HIP1: variants seen among roughly 807,000 people sequenced by gnomAD.
The protein encoded by HIP1 is huntingtin interacting protein 1.
HIP1 carries 65 observed loss-of-function variants against 147.6 expected under a neutral mutation model. That is an observed-to-expected ratio of 0.44 (90% CI 0.36 to 0.54). The LOEUF is 0.54. Ranked by LOEUF, HIP1 falls within the 20% of genes least tolerant of loss-of-function variation. The probability of loss-of-function intolerance (pLI) is 0.00; values close to 1 mark genes in which losing one functional copy is unlikely to be tolerated. For missense variants in HIP1, 1,061 were observed against 1,299.6 expected, an observed-to-expected ratio of 0.82 and a Z score of 2.82; for synonymous variants, 479 against 504.0, an observed-to-expected ratio of 0.95 and a Z score of 0.67.
intron 1 of HIP1, among the ~76,000 whole-genome samples, chr7:75,713,874 AT>A (rs1468415453): frequency 6.7e-6 from 1 of 149,374 alleles, no homozygotes; most frequent in African/African-American, 2.5e-5. Context: ...CATTTTTTGT[AT>A]TTTTAGTAGA....
intron 22 of HIP1, among the ~76,000 whole-genome samples, chr7:75,551,947 A>T (rs1364903596): frequency 4.0e-5 from 6 of 151,218 alleles, no homozygotes; most frequent in African/African-American, 1.5e-4. Flanking sequence ...TGGAGTGCAA[A>T]GGCACGATCT....
intron 1 of HIP1, among the ~76,000 whole-genome samples, chr7:75,669,407 A>G (rs868919994): frequency 9.9e-5 from 15 of 151,580 alleles, no homozygotes; most frequent in African/African-American, 2.7e-4. Flanking sequence ...AAAAAACAAC[A>G]AAAAAATTAG....
intron 8 of HIP1, among the ~76,000 whole-genome samples, chr7:75,573,473 G>A (rs948424547): frequency 2.0e-5 from 3 of 152,098 alleles, no homozygotes; most frequent in East Asian, 1.9e-4. Flanking sequence ...ACAAGAACTC[G>A]GGCAAAGGCA....
chr7:75,540,860 A>G (rs1794280195), intron 29 of HIP1, among the ~76,000 whole-genome samples: 1 of 152,194 alleles, frequency 6.6e-6, no homozygotes, highest in South Asian at 2.1e-4. Context: ...AATAATTCAT[A>G]CCAGAAGTCT....
Position 75,554,283 on chromosome 7 carries a change from C to T in HIP1, c.2051-63G>A. ...TGATGGTGACACTTTCATACCCTCT[C>T]CTCCCGTTTTATGAGTTGCCTACAT... On this transcript the variant is annotated intron_variant, in intron 20 of 30. Coordinates refer to ENST00000336926, the MANE Select transcript of HIP1 (RefSeq NM_005338.7). 4 of 1,434,132 alleles carry T rather than the reference C, an allele frequency of 2.8e-6. No homozygotes were observed. In the South Asian group the frequency reaches 4.7e-5, roughly 17 times the overall value. 88.8% of individuals were successfully genotyped at this position (1,434,132 alleles called of 1,614,324 possible).
chr7:75,580,114 A>G (rs1474926973), intron 7 of HIP1, among the ~76,000 whole-genome samples: 1 of 152,148 alleles, frequency 6.6e-6, no homozygotes, highest in African/African-American at 2.4e-5. Flanking sequence ...TGCTAGTGGA[A>G]CAGGACTGTG....
In HIP1 at chr7:75,539,447, A is replaced by G. The variant is rs368740029; in HGVS notation, c.2953-16T>C. On this transcript the variant is annotated splice_polypyrimidine_tract_variant and intron_variant, in intron 29 of 30. Coordinates refer to ENST00000336926, the MANE Select transcript of HIP1 (RefSeq NM_005338.7). ...GCACCCTAACCTGTAAGGGAAATTA[A>G]GTGGGATTTTCTCTTAATCATCTCT... 81 of 1,582,036 alleles carry G rather than the reference A, an allele frequency of 5.1e-5. No homozygotes were observed. The African/African-American group carries it at 8.3e-4, about 16-fold the overall frequency.
At chr7:75,606,729 A>G (rs587737495) in intron 1 of HIP1, among the ~76,000 whole-genome samples, 5 of 152,272 alleles carry the variant, frequency 3.3e-5, no homozygotes, top group Admixed American at 2.6e-4. Context: ...GCCATTTTTA[A>G]AAGAATGAGG....
intron 1 of HIP1, among the ~76,000 whole-genome samples, chr7:75,705,348 G>A (rs1800952635): frequency 6.6e-6 from 1 of 151,824 alleles, no homozygotes; most frequent in Non-Finnish European, 1.5e-5. Context: ...GCATGTAACA[G>A]CAGGATCTCT....
In HIP1 at chr7:75,583,756, T is replaced by TTGTGTGTGTGTGTGTG. The variant is rs60640180; in HGVS notation, c.466-1621_466-1606dup. Among the ~76,000 whole-genome samples, 159 of 115,516 alleles carry TTGTGTGTGTGTGTGTG rather than the reference T, an allele frequency of 1.4e-3. 2 individuals are homozygous for TTGTGTGTGTGTGTGTG. Among genetic ancestry groups the TTGTGTGTGTGTGTGTG allele is most frequent in the South Asian group, 3.5e-3 (11 of 3,120 alleles). 75.8% of individuals were successfully genotyped at this position (115,516 alleles called of 152,430 possible). On this transcript the variant is annotated intron_variant, in intron 5 of 30. Transcript: ENST00000336926. The stretch of plus-strand genomic sequence containing the variant: ...GGCATACACCACCATGCGGGCTAAT[T>TTGTGTGTGTGTGTGTG]TGTGTGTGTGTGTGTGTGTGTGTGT...
At chr7:75,617,318 A>G (rs1232496162) in intron 1 of HIP1, among the ~76,000 whole-genome samples, 2 of 151,876 alleles carry the variant, frequency 1.3e-5, no homozygotes, top group Non-Finnish European at 2.9e-5. Flanking sequence ...ACCTCAGGTG[A>G]TCCTCCTGCC....
rs1794146516 is a variant in HIP1 at position 75,537,885 on chromosome 7, G to T, written c.*287C>A. 3 of 486,150 alleles carry T rather than the reference G, an allele frequency of 6.2e-6. No individual in the cohort carries two copies. The highest frequency in any genetic ancestry group is 1.1e-5 in the Non-Finnish European group (3 of 266,778). 30.1% of individuals were successfully genotyped at this position (486,150 alleles called of 1,614,324 possible). A position where few individuals can be genotyped will look rare whatever the true frequency, so the allele number is the denominator to read the frequency against. ...TTGGTCCTCTCTGTTGAGTGGCCCT[G>T]CCCCCCACCACCCCTCTTCGTACCT... On this transcript the variant is annotated 3_prime_UTR_variant, in exon 31 of 31. Transcript: ENST00000336926.
intron 1 of HIP1, among the ~76,000 whole-genome samples, chr7:75,696,801 T>A (rs904024279): frequency 6.6e-6 from 1 of 151,178 alleles, no homozygotes; most frequent in Non-Finnish European, 1.5e-5. Context: ...GGTTTCACCA[T>A]GTTGACCAGG....
chr7:75,596,500 C>T lies in HIP1; in HGVS notation c.184+2684G>A, dbSNP rs897973250. On this transcript the variant is annotated intron_variant, in intron 2 of 30. Transcript: ENST00000336926. ...CTCCCAGGTTCAAGTGATTCTCCTG[C>T]CACAGCCTCCCAAGTAGCTGGGATT... 6.9e-4 allele frequency among the ~76,000 whole-genome samples: 105 copies of T among 152,250 alleles called. 1 individual carries two copies. Among genetic ancestry groups the T allele is most frequent in the Middle Eastern group, 3.4e-3 (1 of 294 alleles).
chr7:75,547,886 A>G, intron 23 of HIP1, 73 bp from the exon 24 acceptor site: 1 of 1,342,528 alleles, frequency 7.4e-7, no homozygotes, highest in Non-Finnish European at 1.1e-6. Flanking sequence ...CTATACTTTC[A>G]GTCCAACATC....
chr7:75,572,056 A>AAAC (rs1414540715), intron 8 of HIP1, among the ~76,000 whole-genome samples: 2 of 152,054 alleles, frequency 1.3e-5, no homozygotes, highest in Non-Finnish European at 2.9e-5. Context: ...CTAAAAATTC[A>AAAC]AACAACAACA....
intron 1 of HIP1, among the ~76,000 whole-genome samples, chr7:75,639,562 C>CGTGTGTGTGTGTGTGTGTGT (rs57827695): frequency 1.2e-4 from 16 of 137,468 alleles, no homozygotes; most frequent in African/African-American, 4.2e-4. Flanking sequence ...CGCCAGGAAG[C>CGTGTGTGTGTGTGTGTGTGT]GTGTGTGTGT....
intron 7 of HIP1, among the ~76,000 whole-genome samples, chr7:75,577,155 A>AC (rs782699359): frequency 2.0e-5 from 3 of 151,808 alleles, no homozygotes; most frequent in Non-Finnish European, 4.4e-5. Flanking sequence ...ATATAGCAAG[A>AC]CCCCATCTCT....
chr7:75,557,173 G>A (rs1554493561), intron 16 of HIP1, among the ~76,000 whole-genome samples: 1 of 151,866 alleles, frequency 6.6e-6, no homozygotes, highest in Non-Finnish European at 1.5e-5. Flanking sequence ...CAAGCAGCTG[G>A]GACTACGGGC....
Sources: allele counts gnomAD v4.1 joint callset (sites outside exome capture counted in the v4.1 genomes callset), GRCh38; gene constraint gnomAD v4.1.1; transcripts MANE v1.5; gene names NCBI Gene and HGNC (gene_info 2026-07-23, HGNC 2026-07-21).